DLC1: variants seen among roughly 807,000 people sequenced by gnomAD.
DLC1 encodes the protein rho GTPase-activating protein 7.
DLC1 carries 54 observed loss-of-function variants against 140.3 expected under a neutral mutation model. The observed-to-expected ratio is 0.38, with a 90% CI of 0.31 to 0.48. The LOEUF is 0.48. Ranked by LOEUF, DLC1 falls within the 20% of genes least tolerant of loss-of-function variation. DLC1 has a pLI of 0.96. For synonymous variants in DLC1, 986 were observed against 728.1 expected (o/e 1.35, Z -5.70); for missense variants, 2,536 against 1,907.0 (o/e 1.33, Z -6.14).
chr8:13,177,477 A>G lies in DLC1; in HGVS notation c.1349-61820T>C, dbSNP rs549383973. 2.0e-5 allele frequency among the ~76,000 whole-genome samples: 3 copies of G among 152,352 alleles called. No homozygotes were observed. In the East Asian group the frequency reaches 5.8e-4, roughly 29 times the overall value. On this transcript the variant is annotated intron_variant, in intron 5 of 17. Coordinates refer to ENST00000276297, the MANE Select transcript of DLC1 (RefSeq NM_182643.3). ...TCTCAGCAAACTGAGTGTATTGTTT[A>G]TAGAATTTCACAAGTGCATAGTCTT...
intron 4 of DLC1, among the ~76,000 whole-genome samples, chr8:13,359,265 C>G (rs1835106394): frequency 6.6e-6 from 1 of 152,110 alleles, no homozygotes; most frequent in African/African-American, 2.4e-5. Flanking sequence ...AAGCAGTGTT[C>G]TCTCTCCTCT....
chr8:13,338,748 C>T (rs940385083), intron 4 of DLC1: 1 of 152,184 alleles, frequency 6.6e-6, no homozygotes, highest in Admixed American at 6.5e-5. Flanking sequence ...ACCCAGATCA[C>T]AGGAGGTGAG....
At chr8:13,228,442 A>C (rs1480356578) in intron 5 of DLC1, among the ~76,000 whole-genome samples, 2 of 152,186 alleles carry the variant, frequency 1.3e-5, no homozygotes, top group Non-Finnish European at 2.9e-5. Context: ...AAGACAAACC[A>C]GTTGAAAAAT....
At position 13,389,562 on chromosome 8, in the gene DLC1, C is replaced by G. The variant is rs546328574; in HGVS notation, c.1314+3991G>C. On this transcript the variant is annotated intron_variant, in intron 4 of 17. Coordinates refer to ENST00000276297, the MANE Select transcript of DLC1 (RefSeq NM_182643.3). Reference sequence around the variant, plus strand: ...TGACAGTGGATAACCTACATTTTAACTTTCATTTTTTTATGAAATATACCT... The same window carrying G: ...TGACAGTGGATAACCTACATTTTAAGTTTCATTTTTTTATGAAATATACCT... 7.2e-5 allele frequency among the ~76,000 whole-genome samples: 11 copies of G among 152,146 alleles called. No individual in the cohort carries two copies. In the South Asian group the frequency reaches 2.3e-3, roughly 32 times the overall value.
chr8:13,095,349 C>T, intron 10 of DLC1, 104 bp from the exon 11 acceptor site: 3 of 1,390,048 alleles, frequency 2.2e-6, no homozygotes, highest in Non-Finnish European at 3.0e-6. Context: ...CAGATCTGTG[C>T]TAATACGGTG....
At chr8:13,568,560 C>G (rs1035197584) in intron 1 of DLC1, among the ~76,000 whole-genome samples, 5 of 146,400 alleles carry the variant, frequency 3.4e-5, no homozygotes, top group Non-Finnish European at 7.5e-5. Context: ...GAAGTTGAAG[C>G]CGTAGATTGT....
At chr8:13,106,177 G>A (rs1312242472) in intron 7 of DLC1, among the ~76,000 whole-genome samples, 1 of 152,160 alleles carries the variant, frequency 6.6e-6, no homozygotes, top group Non-Finnish European at 1.5e-5. Flanking sequence ...CACAGCAGGT[G>A]GGGACCTGGG....
At chr8:13,320,833 A>G (rs1833072531) in intron 4 of DLC1, among the ~76,000 whole-genome samples, 1 of 152,180 alleles carries the variant, frequency 6.6e-6, no homozygotes, top group East Asian at 1.9e-4. Context: ...TGAGTAACAG[A>G]GACAGACACC....
chr8:13,422,844 A>C (rs1005890454), intron 2 of DLC1, among the ~76,000 whole-genome samples: 2 of 152,186 alleles, frequency 1.3e-5, no homozygotes, highest in African/African-American at 4.8e-5. Flanking sequence ...AGTGCTATTA[A>C]AGCAAACAAA....
At position 13,401,489 on chromosome 8, in the gene DLC1, TTTGTTGG is replaced by T; in HGVS notation, c.1147_1153del (p.Pro383ThrfsTer22). ...GCTCACAGGAACGTGCCGCCGCAGG[TTTGTTGG>T]TGTGCCTGATGGAGAGGAGCTGGTG... is the stretch of plus-strand genomic sequence containing the variant. On this transcript the variant is annotated frameshift_variant, in exon 3 of 18. Coordinates refer to ENST00000276297, the MANE Select transcript of DLC1 (RefSeq NM_182643.3). LOFTEE classifies it high-confidence loss of function. The T allele has an allele frequency of 1.9e-6, 3 of 1,612,314 alleles. No homozygotes were observed. Among genetic ancestry groups the T allele is most frequent in the Non-Finnish European group, 2.5e-6 (3 of 1,179,920 alleles).
intron 1 of DLC1, among the ~76,000 whole-genome samples, chr8:13,592,248 C>A (rs945971480): frequency 6.6e-6 from 1 of 152,068 alleles, no homozygotes; most frequent in African/African-American, 2.4e-5. Flanking sequence ...CTGCCTCCTT[C>A]CCTTACATTT....
At chr8:13,178,935 G>C (rs776975379) in intron 5 of DLC1, among the ~76,000 whole-genome samples, 6 of 152,262 alleles carry the variant, frequency 3.9e-5, no homozygotes, top group Non-Finnish European at 7.4e-5. Context: ...TTACCAAATA[G>C]AAATGTGTCG....
At chr8:13,345,469 G>C (rs1834285632) in intron 4 of DLC1, among the ~76,000 whole-genome samples, 1 of 151,422 alleles carries the variant, frequency 6.6e-6, no homozygotes, top group African/African-American at 2.4e-5. Flanking sequence ...TTGGGGCTGA[G>C]GGAGTCCCAG....
At chr8:13,302,253 C>T (rs1832230408) in intron 5 of DLC1, among the ~76,000 whole-genome samples, 1 of 152,158 alleles carries the variant, frequency 6.6e-6, no homozygotes, top group Non-Finnish European at 1.5e-5. Context: ...GGATATCCTC[C>T]AACTAGAGTT....
intron 2 of DLC1, among the ~76,000 whole-genome samples, chr8:13,407,933 C>G (rs1418129411): frequency 1.3e-5 from 2 of 152,168 alleles, no homozygotes; most frequent in Non-Finnish European, 2.9e-5. Flanking sequence ...ATTTCTCATT[C>G]TAGACTTTCC....
At chr8:13,597,455 C>G (rs1299987232) in intron 1 of DLC1, among the ~76,000 whole-genome samples, 3 of 152,004 alleles carry the variant, frequency 2.0e-5, no homozygotes, top group Non-Finnish European at 4.4e-5. Context: ...AAAAAATAGC[C>G]TGAAATACCA....
intron 5 of DLC1, among the ~76,000 whole-genome samples, chr8:13,179,357 T>C (rs77979722): frequency 0.12 from 18,117 of 152,112 alleles, 1,171 homozygotes; most frequent in South Asian, 0.16. Context: ...AGAGGTATGT[T>C]CATTTAACCC....
intron 1 of DLC1, among the ~76,000 whole-genome samples, chr8:13,531,319 C>T (rs201760663): frequency 6.6e-6 from 1 of 152,204 alleles, no homozygotes; most frequent in Non-Finnish European, 1.5e-5. Flanking sequence ...GGCACGGTGG[C>T]TCATGCCTGT....
At chr8:13,463,950 A>G (rs1227346962) in intron 2 of DLC1, among the ~76,000 whole-genome samples, 1 of 152,180 alleles carries the variant, frequency 6.6e-6, no homozygotes, top group East Asian at 1.9e-4. Flanking sequence ...TAAGTGAAGG[A>G]GATAAACTGA....
Sources: gnomAD v4.1 joint callset for allele counts (sites outside exome capture counted in the v4.1 genomes callset) on GRCh38, gnomAD v4.1.1 for gene constraint, MANE v1.5 for transcripts, NCBI Gene and HGNC (gene_info 2026-07-23, HGNC 2026-07-21) for gene names.